The following NRXN3 variants were observed in gnomAD, a reference collection of about 807,000 sequenced individuals.
NRXN3 encodes neurexin 3.
A neutral mutation model predicts 137.6 loss-of-function variants in NRXN3; 32 were observed. The observed-to-expected ratio is 0.23, with a 90% confidence interval of 0.18 to 0.31. The LOEUF (loss-of-function observed/expected upper bound fraction) is 0.31, where lower values mean the gene tolerates loss of function less well. Ranked by LOEUF, NRXN3 falls within the 10% of genes least tolerant of loss-of-function variation. NRXN3 has a pLI of 1.00. For synonymous variants in NRXN3, 798 were observed against 784.5 expected (o/e 1.02, Z -0.29); for missense variants, 1,574 against 2,062.5 (o/e 0.76, Z 4.59).
chr14:79,492,882 C>A (rs966359855), intron 16 of NRXN3, among the ~76,000 whole-genome samples: 31 of 152,214 alleles, frequency 2.0e-4, no homozygotes, highest in Admixed American at 2.0e-3. Context: ...CACCTGTTTC[C>A]TTCCAGAAAG....
intron 15 of NRXN3, among the ~76,000 whole-genome samples, chr14:79,360,866 T>G (rs895485832): frequency 7.9e-5 from 12 of 152,332 alleles, no homozygotes; most frequent in African/African-American, 2.9e-4. Context: ...GGCATAACTT[T>G]TTATGAAGAT....
At chr14:79,279,607 G>A in intron 15 of NRXN3, 16 of 986,924 alleles carry the variant, frequency 1.6e-5, no homozygotes, top group Non-Finnish European at 1.8e-5. Context: ...TGGCTGCGGT[G>A]GCTGCTGCTG....
chr14:78,947,132 A>G (rs1386191295), intron 10 of NRXN3, among the ~76,000 whole-genome samples: 1 of 152,186 alleles, frequency 6.6e-6, no homozygotes, highest in Non-Finnish European at 1.5e-5. Context: ...TGCATACACC[A>G]GATGCTAAGA....
intron 20 of NRXN3, among the ~76,000 whole-genome samples, chr14:79,820,697 G>A (rs569986698): frequency 7.2e-4 from 19 of 26,330 alleles, no homozygotes; most frequent in Middle Eastern, 0.023. Flanking sequence ...ATTGTCTGTC[G>A]TTTCCTTGTG....
chr14:79,220,165 T>A (rs888422165), intron 15 of NRXN3, among the ~76,000 whole-genome samples: 4 of 152,336 alleles, frequency 2.6e-5, no homozygotes, highest in African/African-American at 9.6e-5. Context: ...GATCTGCTTT[T>A]CTGTTTAAAG....
At chr14:78,804,645 T>G (rs2098850149) in intron 9 of NRXN3, among the ~76,000 whole-genome samples, 1 of 152,228 alleles carries the variant, frequency 6.6e-6, no homozygotes, top group Admixed American at 6.5e-5. Context: ...TCTTTCATTG[T>G]AATTACCTAT....
chr14:79,303,392 A>T (rs2085472266), intron 15 of NRXN3, among the ~76,000 whole-genome samples: 2 of 152,048 alleles, frequency 1.3e-5, no homozygotes, highest in Admixed American at 1.3e-4. Context: ...CTAACATCTT[A>T]TCTGGCCACT....
Position 78,553,826 on chromosome 14 carries a change from CCT to C in NRXN3, c.758-91293_758-91292del, listed in dbSNP as rs142480587. Among the ~76,000 whole-genome samples, 462 of 152,228 alleles carry C rather than the reference CCT, an allele frequency of 3.0e-3. 3 individuals are homozygous for C. Among genetic ancestry groups the C allele is most frequent in the African/African-American group, 0.011 (438 of 41,548 alleles). ...CTCAACTCATGGTTCCAAATAATCC[CCT>C]GTGTTAGTTGTGCCTACAGCAACTT... On this transcript the variant is annotated intron_variant, in intron 4 of 20. Coordinates refer to ENST00000335750, the MANE Select transcript of NRXN3 (RefSeq NM_001330195.2).
chr14:79,379,854 T>G (rs149837110), intron 15 of NRXN3, among the ~76,000 whole-genome samples: 40 of 150,534 alleles, frequency 2.7e-4, no homozygotes, highest in African/African-American at 9.0e-4. Context: ...AAAGTACTAG[T>G]CTTTCATTTT....
At position 79,529,512 on chromosome 14, in the gene NRXN3, C is replaced by A. The variant is rs375980876; in HGVS notation, c.3444+62110C>A. Among the ~76,000 whole-genome samples the A allele has an allele frequency of 7.9e-5, 12 of 152,314 alleles. No homozygotes were observed. The South Asian group carries it at 2.5e-3, about 32-fold the overall frequency. ...AACAATATGAGAGGGTCTCTCTCTT[C>A]CCTCACCACATATGTGAGAAAAGAG... On this transcript the variant is annotated intron_variant, in intron 16 of 20. Coordinates refer to ENST00000335750, the MANE Select transcript of NRXN3 (RefSeq NM_001330195.2).
intron 15 of NRXN3, among the ~76,000 whole-genome samples, chr14:79,168,002 A>G (rs12432076): frequency 0.55 from 82,375 of 149,646 alleles, 23,631 homozygotes; most frequent in East Asian, 0.64. Flanking sequence ...AAACCAGCCC[A>G]TAACTTATCT....
intron 10 of NRXN3, among the ~76,000 whole-genome samples, chr14:78,924,525 C>T (rs1298491984): frequency 1.3e-5 from 2 of 152,098 alleles, no homozygotes; most frequent in Non-Finnish European, 2.9e-5. Context: ...TTCCAGTTTT[C>T]TTCATGGCCT....
intron 14 of NRXN3, among the ~76,000 whole-genome samples, chr14:78,972,518 T>C (rs978026468): frequency 1.1e-4 from 16 of 152,186 alleles, no homozygotes; most frequent in African/African-American, 3.9e-4. Flanking sequence ...CTCCATCTGA[T>C]TGCACACACG....
chr14:78,584,657 T>C (rs765348754), intron 4 of NRXN3, among the ~76,000 whole-genome samples: 1 of 152,204 alleles, frequency 6.6e-6, no homozygotes, highest in Non-Finnish European at 1.5e-5. Context: ...GCTTTGGGAG[T>C]CATCTGTTGA....
chr14:78,742,119 T>G (rs1194383340), intron 8 of NRXN3, among the ~76,000 whole-genome samples: 1 of 152,214 alleles, frequency 6.6e-6, no homozygotes, highest in Non-Finnish European at 1.5e-5. Context: ...CTTTCTTAGC[T>G]GGCTTCCCAC....
intron 4 of NRXN3, among the ~76,000 whole-genome samples, chr14:78,478,078 A>G (rs572684396): frequency 2.7e-4 from 41 of 152,362 alleles, no homozygotes; most frequent in African/African-American, 9.1e-4. Context: ...CTTGAAGAAT[A>G]TAGCTGAGAA....
rs1350681331 is a variant in NRXN3, at chr14:78,789,521, G to A, written c.2045-14099G>A. Among the ~76,000 whole-genome samples the A allele has an allele frequency of 4.6e-5, 7 of 152,058 alleles. No homozygotes were observed. In the South Asian group the frequency reaches 6.2e-4, roughly 13 times the overall value. On this transcript the variant is annotated intron_variant, in intron 8 of 20. Transcript: ENST00000335750. Reference sequence around the variant, plus strand: ...ATCTGGTCAGAATATCAGCAGTGTCGCTCTTGACAAACTCTAATATACTCC... The same window carrying A: ...ATCTGGTCAGAATATCAGCAGTGTCACTCTTGACAAACTCTAATATACTCC...
rs377015545 is a variant in NRXN3 at position 79,548,250 on chromosome 14, CGTT to C, written c.3444+80852_3444+80854del. 1.8e-3 allele frequency among the ~76,000 whole-genome samples: 281 copies of C among 152,194 alleles called. 3 individuals are homozygous for C. The highest frequency in any genetic ancestry group is 6.0e-3 in the African/African-American group (251 of 41,532). ...TCCCCTCCTTGTGTCCACGTATTCT[CGTT>C]GTTCAACTCCCACTTATGAGTGAGA... On this transcript the variant is annotated intron_variant, in intron 16 of 20. Coordinates refer to ENST00000335750, the MANE Select transcript of NRXN3 (RefSeq NM_001330195.2).
chr14:79,499,049 A>G (rs994112005), intron 16 of NRXN3, among the ~76,000 whole-genome samples: 1 of 152,138 alleles, frequency 6.6e-6, no homozygotes, highest in Non-Finnish European at 1.5e-5. Context: ...CTCCCTGCCA[A>G]TCTTTTCTCC....
Sources: gnomAD v4.1 joint callset for allele counts (sites outside exome capture counted in the v4.1 genomes callset) on GRCh38, gnomAD v4.1.1 for gene constraint, MANE v1.5 for transcripts, NCBI Gene and HGNC (gene_info 2026-07-23, HGNC 2026-07-21) for gene names.